The following XKR4 variants were observed in gnomAD, a reference collection of about 807,000 sequenced individuals.
The protein encoded by XKR4 is XK related 4, also known as XK-related protein 4.
A neutral mutation model predicts 53.9 loss-of-function variants in XKR4; 12 were observed. The observed-to-expected ratio is 0.22, with a 90% CI of 0.14 to 0.36. The LOEUF (loss-of-function observed/expected upper bound fraction) is 0.36, where lower values mean the gene tolerates loss of function less well. XKR4 is among the 10% of genes least tolerant of loss of function. The pLI is 1.00. For synonymous variants in XKR4, 354 were observed against 362.4 expected (o/e 0.98, Z 0.26); for missense variants, 799 against 859.5 (o/e 0.93, Z 0.88).
intron 1 of XKR4, among the ~76,000 whole-genome samples, chr8:55,247,861 T>TCTTTCTTTC (rs1554572242): frequency 5.9e-4 from 64 of 107,956 alleles, no homozygotes; most frequent in Non-Finnish European, 9.8e-4. Flanking sequence ...CTTTCTTTTT[T>TCTTTCTTTC]TTTTTTTTTT....
chr8:55,275,308 G>A (rs1818748754), intron 1 of XKR4, among the ~76,000 whole-genome samples: 1 of 151,996 alleles, frequency 6.6e-6, no homozygotes, highest in Non-Finnish European at 1.5e-5. Flanking sequence ...AAGTGTAAAT[G>A]GATTTTATAG....
At chr8:55,462,121 G>T (rs1442507720) in intron 2 of XKR4, among the ~76,000 whole-genome samples, 2 of 152,102 alleles carry the variant, frequency 1.3e-5, no homozygotes, top group African/African-American at 4.8e-5. Context: ...AAAATACAGA[G>T]AATGTCACAA....
rs1806849837 is a variant in XKR4, at chr8:55,524,305, C to T, written c.*78C>T. On this transcript the variant is annotated 3_prime_UTR_variant, in exon 3 of 3. Transcript: ENST00000327381. ...GCTGTGGCCATAATGACACTTCATC[C>T]TAGAGCAGGGCAGTGAGCCGTGAAG... 6.4e-6 allele frequency: 9 copies of T among 1,396,058 alleles called. No individual in the cohort carries two copies. 86.5% of individuals were successfully genotyped at this position (1,396,058 alleles called of 1,614,324 possible). A position where few individuals can be genotyped will look rare whatever the true frequency, so the allele number is the denominator to read the frequency against.
chr8:55,336,683 A>G (rs1348980627), intron 1 of XKR4, among the ~76,000 whole-genome samples: 1 of 152,188 alleles, frequency 6.6e-6, no homozygotes, highest in Non-Finnish European at 1.5e-5. Context: ...TGCATATTAA[A>G]CACATTTTAA....
chr8:55,513,271 G>A (rs1806655981), intron 2 of XKR4, among the ~76,000 whole-genome samples: 1 of 152,210 alleles, frequency 6.6e-6, no homozygotes, highest in Non-Finnish European at 1.5e-5. Context: ...AAATAGGCCA[G>A]TAACTGTCAA....
chr8:55,370,589 T>C (rs1365781934), intron 2 of XKR4, among the ~76,000 whole-genome samples: 1 of 152,128 alleles, frequency 6.6e-6, no homozygotes, highest in African/African-American at 2.4e-5. Flanking sequence ...CAATGAGAAG[T>C]TGTGAAGAGC....
chr8:55,220,392 C>G (rs567532871), intron 1 of XKR4, among the ~76,000 whole-genome samples: 27 of 152,158 alleles, frequency 1.8e-4, no homozygotes, highest in Non-Finnish European at 3.7e-4. Flanking sequence ...CACTAAACAT[C>G]TTATATAAAT....
chr8:55,387,784 G>A (rs1178027048), intron 2 of XKR4, among the ~76,000 whole-genome samples: 1 of 152,166 alleles, frequency 6.6e-6, no homozygotes, highest in Non-Finnish European at 1.5e-5. Context: ...AATGAGACAG[G>A]CCAATAGCCT....
intron 1 of XKR4, chr8:55,135,527 T>A (rs1046583708): frequency 2.7e-5 from 12 of 444,832 alleles, no homozygotes; most frequent in Admixed American, 2.6e-4. Flanking sequence ...CTCTTTTCCC[T>A]CAGTTGATGA....
At chr8:55,399,375 T>G (rs984826379) in intron 2 of XKR4, among the ~76,000 whole-genome samples, 2 of 152,256 alleles carry the variant, frequency 1.3e-5, no homozygotes, top group Non-Finnish European at 2.9e-5. Context: ...CTTTCTGGAA[T>G]GCGCCAGTAG....
At chr8:55,379,526 G>A (rs1164023645) in intron 2 of XKR4, among the ~76,000 whole-genome samples, 1 of 152,182 alleles carries the variant, frequency 6.6e-6, no homozygotes, top group African/African-American at 2.4e-5. Context: ...GCTGGCTACC[G>A]GTTTCTACTT....
At chr8:55,442,567 A>T (rs1049550552) in intron 2 of XKR4, among the ~76,000 whole-genome samples, 198 of 152,336 alleles carry the variant, frequency 1.3e-3, no homozygotes, top group African/African-American at 4.5e-3. Context: ...CAAAAATAGA[A>T]AAAACCAAGC....
chr8:55,167,823 C>G (rs1817090659), intron 1 of XKR4, among the ~76,000 whole-genome samples: 1 of 152,170 alleles, frequency 6.6e-6, no homozygotes, highest in South Asian at 2.1e-4. Context: ...GGGACTCCAA[C>G]ATTTAGAGAC....
At chr8:55,228,384 C>A (rs1373951118) in intron 1 of XKR4, among the ~76,000 whole-genome samples, 2 of 152,184 alleles carry the variant, frequency 1.3e-5, no homozygotes, top group Admixed American at 6.5e-5. Context: ...AACTACTATT[C>A]ATCTAAAGAG....
At chr8:55,440,164 G>A (rs61677408) in intron 2 of XKR4, among the ~76,000 whole-genome samples, 1,775 of 152,178 alleles carry the variant, frequency 0.012, 32 homozygotes, top group African/African-American at 0.033. Flanking sequence ...AGTTACAAGA[G>A]TGAAATATAT....
At chr8:55,385,328 C>T (rs966628224) in intron 2 of XKR4, among the ~76,000 whole-genome samples, 1 of 152,142 alleles carries the variant, frequency 6.6e-6, no homozygotes, top group African/African-American at 2.4e-5. Context: ...TTACTGTTTC[C>T]TGGGGCTCAC....
intron 1 of XKR4, among the ~76,000 whole-genome samples, chr8:55,331,105 G>A (rs559585470): frequency 2.2e-4 from 34 of 152,076 alleles, no homozygotes; most frequent in African/African-American, 5.3e-4. Flanking sequence ...GAAACTGTAC[G>A]CATGAAACCA....
chr8:55,504,187 T>TTG (rs1554531645), intron 2 of XKR4, among the ~76,000 whole-genome samples: 5 of 145,898 alleles, frequency 3.4e-5, no homozygotes, highest in South Asian at 2.2e-4. Flanking sequence ...GTTGTTGTTG[T>TTG]TTTTGTTTTG....
At chr8:55,334,729 C>T (rs931929782) in intron 1 of XKR4, among the ~76,000 whole-genome samples, 3 of 152,162 alleles carry the variant, frequency 2.0e-5, no homozygotes, top group Non-Finnish European at 4.4e-5. Flanking sequence ...CAGGTGTACA[C>T]ATACAGATAA....
Sources: gnomAD v4.1 joint callset for allele counts (sites outside exome capture counted in the v4.1 genomes callset) on GRCh38, gnomAD v4.1.1 for gene constraint, MANE v1.5 for transcripts, NCBI Gene and HGNC (gene_info 2026-07-23, HGNC 2026-07-21) for gene names.